CACNA2D3: variants seen among roughly 807,000 people sequenced by gnomAD.
The protein encoded by CACNA2D3 is voltage-dependent calcium channel subunit alpha-2/delta-3.
In CACNA2D3, 60 loss-of-function variants were observed where a neutral mutation model predicts 160.6. The observed-to-expected ratio is 0.37, with a 90% CI of 0.30 to 0.46. CACNA2D3 has a LOEUF of 0.46. Among genes scored for constraint, CACNA2D3 ranks in the 20% least tolerant of loss-of-function variants. The pLI is 1.00. For synonymous variants in CACNA2D3, 558 were observed against 492.9 expected (o/e 1.13, Z -1.75); for missense variants, 1,205 against 1,365.0 (o/e 0.88, Z 1.85).
At chr3:54,545,953 G>A (rs913808388) in intron 5 of CACNA2D3, among the ~76,000 whole-genome samples, 1 of 152,196 alleles carries the variant, frequency 6.6e-6, no homozygotes, top group Non-Finnish European at 1.5e-5. Context: ...AGGTTGGCAT[G>A]CTCCATCACC....
chr3:54,554,378 C>G (rs1257602964), intron 5 of CACNA2D3, among the ~76,000 whole-genome samples: 1 of 152,178 alleles, frequency 6.6e-6, no homozygotes, highest in African/African-American at 2.4e-5. Context: ...GGTACTCAAT[C>G]AATATTTGTC....
chr3:54,515,701 A>G (rs1427162084), intron 5 of CACNA2D3, among the ~76,000 whole-genome samples: 1 of 152,172 alleles, frequency 6.6e-6, no homozygotes, highest in African/African-American at 2.4e-5. Context: ...TTCCCTCTAA[A>G]ATGATTCTGT....
chr3:54,485,812 C>T lies in CACNA2D3; in HGVS notation c.382-17680C>T, dbSNP rs1370186155. ...CTCCTGACCTCAATTGATCCACCTG[C>T]CTTGGCCTCCCAAAGTTCTGGGATT... On this transcript the variant is annotated intron_variant, in intron 4 of 37. Transcript: ENST00000474759. Among the ~76,000 whole-genome samples, 3 of 152,284 alleles carry T rather than the reference C, an allele frequency of 2.0e-5. 1 individual carries two copies. Among genetic ancestry groups the T allele is most frequent in the Admixed American group, 2.0e-4 (3 of 15,302 alleles).
chr3:54,140,904 A>C (rs1435248791), intron 2 of CACNA2D3, among the ~76,000 whole-genome samples: 1 of 152,182 alleles, frequency 6.6e-6, no homozygotes, highest in African/African-American at 2.4e-5. Flanking sequence ...CCAGCTGAGA[A>C]AACTGGGGCT....
At chr3:54,934,650 C>T (rs747894585) in intron 27 of CACNA2D3, among the ~76,000 whole-genome samples, 38 of 152,140 alleles carry the variant, frequency 2.5e-4, no homozygotes, top group Non-Finnish European at 4.9e-4. Context: ...AAGACTTAGC[C>T]AGGTTCTGTG....
intron 4 of CACNA2D3, among the ~76,000 whole-genome samples, chr3:54,444,401 C>G (rs1028002408): frequency 2.0e-5 from 3 of 152,128 alleles, no homozygotes; most frequent in Non-Finnish European, 2.9e-5. Flanking sequence ...TGTGTGTTTT[C>G]AAAACATTCC....
chr3:54,915,045 T>C (rs1575368122), intron 27 of CACNA2D3, among the ~76,000 whole-genome samples: 1 of 152,226 alleles, frequency 6.6e-6, no homozygotes, highest in South Asian at 2.1e-4. Flanking sequence ...AGCAAGGAGA[T>C]TTGATTTGCA....
intron 3 of CACNA2D3, among the ~76,000 whole-genome samples, chr3:54,327,645 A>AATAC (rs1704145921): frequency 6.6e-6 from 1 of 152,236 alleles, no homozygotes; most frequent in Non-Finnish European, 1.5e-5. Flanking sequence ...TTATAAAAGT[A>AATAC]ATACATATTC....
intron 35 of CACNA2D3, among the ~76,000 whole-genome samples, chr3:55,024,078 A>G (rs189727001): frequency 2.4e-5 from 3 of 123,044 alleles, no homozygotes; most frequent in Admixed American, 1.0e-4. Flanking sequence ...ACTTGGGGGC[A>G]TTCTAGATCC....
At position 54,828,453 on chromosome 3, in the gene CACNA2D3, C is replaced by A. The variant is rs144496280; in HGVS notation, c.1399-8706C>A. Among the ~76,000 whole-genome samples, 1,200 of 152,292 alleles carry A rather than the reference C, an allele frequency of 7.9e-3. 22 individuals carry two copies. The highest frequency in any genetic ancestry group is 0.027 in the African/African-American group (1,128 of 41,560). On this transcript the variant is annotated intron_variant, in intron 14 of 37. Coordinates refer to ENST00000474759, the MANE Select transcript of CACNA2D3 (RefSeq NM_018398.3). ...GACCATGGCTTTATTTATATATGTTCATGGTCAAAGGCAGTATCCTCCCTC... is the reference window on the plus strand; with the variant it reads ...GACCATGGCTTTATTTATATATGTTAATGGTCAAAGGCAGTATCCTCCCTC...
At chr3:55,010,517 G>A (rs1032242056) in intron 34 of CACNA2D3, among the ~76,000 whole-genome samples, 1 of 152,210 alleles carries the variant, frequency 6.6e-6, no homozygotes, top group Non-Finnish European at 1.5e-5. Context: ...GGCTCCAGCA[G>A]TCTGCCCCAG....
intron 13 of CACNA2D3, among the ~76,000 whole-genome samples, chr3:54,804,494 G>C (rs926910433): frequency 1.3e-5 from 2 of 152,182 alleles, no homozygotes; most frequent in African/African-American, 4.8e-5. Flanking sequence ...TCAACAAGAA[G>C]AGCTAACTAT....
intron 11 of CACNA2D3, among the ~76,000 whole-genome samples, chr3:54,704,884 A>AC (rs562306646): frequency 1.3e-5 from 2 of 151,502 alleles, no homozygotes; most frequent in African/African-American, 2.4e-5. Context: ...GAGATTCTCT[A>AC]CCCCCCACCC....
At chr3:54,382,763 G>C (rs1325582472) in intron 3 of CACNA2D3, among the ~76,000 whole-genome samples, 2 of 152,260 alleles carry the variant, frequency 1.3e-5, no homozygotes, top group African/African-American at 4.8e-5. Context: ...CAACCTGGGT[G>C]ACAGAGCGAG....
At chr3:54,436,104 C>G (rs73089434) in intron 4 of CACNA2D3, among the ~76,000 whole-genome samples, 24,884 of 151,954 alleles carry the variant, frequency 0.16, 2,483 homozygotes, top group Admixed American at 0.26. Context: ...GAACTAGATT[C>G]ACATCATCTG....
At chr3:54,237,166 A>G (rs899756463) in intron 2 of CACNA2D3, among the ~76,000 whole-genome samples, 2 of 152,162 alleles carry the variant, frequency 1.3e-5, no homozygotes, top group African/African-American at 2.4e-5. Flanking sequence ...CACCTCTTCC[A>G]GTACCCCCTC....
intron 11 of CACNA2D3, among the ~76,000 whole-genome samples, chr3:54,693,858 T>C (rs1414038822): frequency 6.6e-6 from 1 of 152,184 alleles, no homozygotes; most frequent in African/African-American, 2.4e-5. Flanking sequence ...AAAATATTTT[T>C]GTACAGCTGT....
At position 54,689,010 on chromosome 3, in the gene CACNA2D3, A is replaced by AAAAAAAG. The variant is rs1553785965; in HGVS notation, c.1167+46770_1167+46771insAAAAAGA. On this transcript the variant is annotated intron_variant, in intron 11 of 37. Coordinates refer to ENST00000474759, the MANE Select transcript of CACNA2D3 (RefSeq NM_018398.3). ...AAAAAAAAAAAAAAAAAAAAAAAAAAAGAATGAGGTTGTATACATAAAGCA... is the reference window on the plus strand; with the variant it reads ...AAAAAAAAAAAAAAAAAAAAAAAAAAAAAAAAGAGAATGAGGTTGTATACATAAAGCA... 5.0e-4 allele frequency among the ~76,000 whole-genome samples: 43 copies of AAAAAAAG among 85,494 alleles called. 3 individuals are homozygous for AAAAAAAG. The highest frequency in any genetic ancestry group is 1.7e-3 in the Admixed American group (11 of 6,584). The allele number at this position is 85,494 out of a possible 152,430, so 56.1% of individuals were successfully genotyped here. A position where few individuals can be genotyped will look rare whatever the true frequency, so the allele number is the denominator to read the frequency against.
intron 2 of CACNA2D3, among the ~76,000 whole-genome samples, chr3:54,287,469 T>A (rs1164162452): frequency 1.3e-5 from 2 of 150,482 alleles, no homozygotes; most frequent in Non-Finnish European, 3.0e-5. Context: ...TCCCACACAA[T>A]AATAATGGGA....
Sources: allele counts gnomAD v4.1 joint callset (sites outside exome capture counted in the v4.1 genomes callset), GRCh38; gene constraint gnomAD v4.1.1; transcripts MANE v1.5; gene names NCBI Gene and HGNC (gene_info 2026-07-23, HGNC 2026-07-21).